CRCP: variants seen among roughly 807,000 people sequenced by gnomAD.
CRCP encodes the protein DNA-directed RNA polymerase III subunit RPC9.
In CRCP, 18 loss-of-function variants were observed where a neutral mutation model predicts 18.5. That is an observed-to-expected ratio of 0.97 (90% CI 0.67 to 1.44). The LOEUF is 1.44. Among genes scored for constraint, CRCP ranks in the 40% most tolerant of loss-of-function variants. The probability of loss-of-function intolerance (pLI) is 0.00; values close to 1 mark genes in which losing one functional copy is unlikely to be tolerated. For synonymous variants in CRCP, 53 were observed against 62.9 expected (o/e 0.84, Z 0.75); for missense variants, 130 against 176.4 (o/e 0.74, Z 1.49).
At chr7:66,121,717 A>G (rs1255823774) in intron 1 of CRCP, among the ~76,000 whole-genome samples, 2 of 152,172 alleles carry the variant, frequency 1.3e-5, no homozygotes, top group Non-Finnish European at 2.9e-5. Flanking sequence ...AAAAGTTTGT[A>G]TCCACTCTTT....
chr7:66,152,597 G>A lies in CRCP; in HGVS notation c.*240G>A, dbSNP rs999862152. On this transcript the variant is annotated 3_prime_UTR_variant, in exon 6 of 6. Coordinates refer to ENST00000395326, the MANE Select transcript of CRCP (RefSeq NM_014478.5). The stretch of plus-strand genomic sequence containing the variant: ...AGCTGAAGGTGGGGACAGTGACCGC[G>A]GACCCCTCTGTGCTTGAAAGATTTC... 1.6e-5 allele frequency: 8 copies of A among 498,734 alleles called. No homozygotes were observed. The highest frequency in any genetic ancestry group is 4.3e-5 in the South Asian group (2 of 46,798). The allele number at this position is 498,734 out of a possible 1,614,324, so 30.9% of individuals were successfully genotyped here.
At chr7:66,146,000 C>T (rs1257777076) in intron 5 of CRCP, among the ~76,000 whole-genome samples, 1 of 152,168 alleles carries the variant, frequency 6.6e-6, no homozygotes, top group African/African-American at 2.4e-5. Flanking sequence ...CCTTTCATCT[C>T]ACAGTCAGGG....
rs1312000768 is a variant in CRCP at position 66,154,335 on chromosome 7, C to A, written c.*1978C>A. The A allele has an allele frequency of 1.3e-5, 2 of 151,852 alleles. No homozygotes were observed. The highest frequency in any genetic ancestry group is 3.9e-4 in the East Asian group (2 of 5,100). The allele number at this position is 151,852 out of a possible 1,614,324, so 9.4% of individuals were successfully genotyped here. A position where few individuals can be genotyped will look rare whatever the true frequency, so the allele number is the denominator to read the frequency against. ...GGACTTACAGGCACGTACCACTATA[C>A]CCTGCTAAAATTTGTATTTTTAGTA... On this transcript the variant is annotated 3_prime_UTR_variant, in exon 6 of 6. Transcript: ENST00000395326.
Position 66,134,375 on chromosome 7 carries a change from G to C in CRCP, c.239+1G>C, listed in dbSNP as rs770745918. ...CATTGAAAAGCCACAAGTTGACCAA[G>C]TAAGTAAATCTCTTAAGTAGGAAGA... On this transcript the variant is annotated splice_donor_variant, in intron 4 of 5. Transcript: ENST00000395326. LOFTEE classifies it high-confidence loss of function. 8 of 1,594,566 alleles carry C rather than the reference G, an allele frequency of 5.0e-6. No individual in the cohort carries two copies. Among genetic ancestry groups the C allele is most frequent in the Admixed American group, 3.4e-5 (2 of 58,016 alleles).
chr7:66,141,455 C>T (rs935202074), intron 4 of CRCP, among the ~76,000 whole-genome samples: 1 of 152,100 alleles, frequency 6.6e-6, no homozygotes, highest in African/African-American at 2.4e-5. Context: ...TTCTTGGTTA[C>T]AGCCTGTAGT....
intron 4 of CRCP, among the ~76,000 whole-genome samples, chr7:66,134,793 C>A (rs1459397207): frequency 6.6e-6 from 1 of 152,140 alleles, no homozygotes; most frequent in Non-Finnish European, 1.5e-5. Flanking sequence ...CTGACCACAG[C>A]ATAACAAGCT....
chr7:66,120,257 A>G (rs1297421610), intron 1 of CRCP, among the ~76,000 whole-genome samples: 1 of 152,208 alleles, frequency 6.6e-6, no homozygotes, highest in Non-Finnish European at 1.5e-5. Flanking sequence ...GTTGAATCTA[A>G]GGATGTGGAA....
At chr7:66,123,818 C>T (rs1787526043) in intron 1 of CRCP, among the ~76,000 whole-genome samples, 2 of 150,584 alleles carry the variant, frequency 1.3e-5, no homozygotes, top group South Asian at 2.1e-4. Flanking sequence ...TTTGGGAGGC[C>T]GAGGCGGGCG....
chr7:66,118,075 G>C (rs1408183716), intron 1 of CRCP, among the ~76,000 whole-genome samples: 1 of 152,200 alleles, frequency 6.6e-6, no homozygotes, highest in African/African-American at 2.4e-5. Flanking sequence ...TGCCTCCAGG[G>C]TTCAAGATTC....
intron 1 of CRCP, among the ~76,000 whole-genome samples, chr7:66,120,217 T>A (rs1246988997): frequency 6.6e-6 from 1 of 151,594 alleles, no homozygotes; most frequent in Admixed American, 6.6e-5. Flanking sequence ...GAAAAAAAAA[T>A]GTTTTTTGCA....
At chr7:66,150,151 A>C (rs1358746496) in intron 5 of CRCP, among the ~76,000 whole-genome samples, 1 of 151,048 alleles carries the variant, frequency 6.6e-6, no homozygotes, top group Non-Finnish European at 1.5e-5. Flanking sequence ...CGCGGTGGCT[A>C]ACTCCTGTAA....
intron 1 of CRCP, among the ~76,000 whole-genome samples, chr7:66,124,103 T>A (rs1398903986): frequency 8.6e-6 from 1 of 116,586 alleles, no homozygotes; most frequent in Non-Finnish European, 1.7e-5. Flanking sequence ...GGCTCACTCC[T>A]GTAATCCCAG....
intron 5 of CRCP, among the ~76,000 whole-genome samples, chr7:66,146,302 C>T (rs2116032962): frequency 6.6e-6 from 1 of 152,184 alleles, no homozygotes; most frequent in South Asian, 2.1e-4. Flanking sequence ...AGTAGAGGGG[C>T]CTACGATGGG....
intron 2 of CRCP, among the ~76,000 whole-genome samples, chr7:66,129,620 T>C (rs1268777980): frequency 6.6e-6 from 1 of 151,678 alleles, no homozygotes; most frequent in Non-Finnish European, 1.5e-5. Flanking sequence ...GCCATATTCT[T>C]TCCTCTCTAA....
At chr7:66,150,031 C>T (rs1248978518) in intron 5 of CRCP, among the ~76,000 whole-genome samples, 9 of 152,106 alleles carry the variant, frequency 5.9e-5, no homozygotes, top group Admixed American at 3.3e-4. Context: ...TGGTCTCGAT[C>T]TCCTGACCTT....
chr7:66,123,866 C>T (rs1787528206), intron 1 of CRCP, among the ~76,000 whole-genome samples: 1 of 148,194 alleles, frequency 6.7e-6, no homozygotes, highest in African/African-American at 2.5e-5. Flanking sequence ...TCCTGGCTAA[C>T]ATGGTGAAAT....
chr7:66,138,262 G>A (rs1300856126), intron 4 of CRCP, among the ~76,000 whole-genome samples: 3 of 152,162 alleles, frequency 2.0e-5, no homozygotes, highest in Non-Finnish European at 4.4e-5. Context: ...GATCAGGCTG[G>A]ATGCAGTGGC....
chr7:66,143,922 A>G (rs1294135559), intron 4 of CRCP, among the ~76,000 whole-genome samples: 1 of 152,134 alleles, frequency 6.6e-6, no homozygotes, highest in East Asian at 1.9e-4. Flanking sequence ...TATCATTCCT[A>G]TTTCACAGAT....
rs1395901888 is a variant in CRCP, at chr7:66,152,447, T to G, written c.*90T>G. ...GAGAGGATTGTTTATTTGATTTTTA[T>G]CCTCATCCCAGCAGGCCTGGCTTTG... On this transcript the variant is annotated 3_prime_UTR_variant, in exon 6 of 6. Coordinates refer to ENST00000395326, the MANE Select transcript of CRCP (RefSeq NM_014478.5). 4.1e-6 allele frequency: 6 copies of G among 1,451,402 alleles called. No homozygotes were observed. In the African/African-American group the frequency reaches 4.2e-5, roughly 10 times the overall value. 89.9% of individuals were successfully genotyped at this position (1,451,402 alleles called of 1,614,324 possible). A position where few individuals can be genotyped will look rare whatever the true frequency, so the allele number is the denominator to read the frequency against.
Sources: gnomAD v4.1 joint callset for allele counts (sites outside exome capture counted in the v4.1 genomes callset) on GRCh38, gnomAD v4.1.1 for gene constraint, MANE v1.5 for transcripts, NCBI Gene and HGNC (gene_info 2026-07-23, HGNC 2026-07-21) for gene names.